The following PTPRD variants were observed in gnomAD, a reference collection of about 807,000 sequenced individuals.
The protein encoded by PTPRD is protein tyrosine phosphatase receptor type D.
PTPRD carries 34 observed loss-of-function variants against 214.5 expected under a neutral mutation model. That is an observed-to-expected ratio of 0.16 (90% CI 0.12 to 0.21). The LOEUF (loss-of-function observed/expected upper bound fraction) is 0.21, where lower values mean the gene tolerates loss of function less well. PTPRD is among the 10% of genes least tolerant of loss of function. PTPRD has a pLI of 1.00. For missense variants in PTPRD, 2,545 were observed against 2,398.7 expected (o/e 1.06, Z -1.27); for synonymous variants, 1,128 against 845.7 (o/e 1.33, Z -5.79).
At chr9:9,344,789 A>T (rs1014414492) in intron 9 of PTPRD, among the ~76,000 whole-genome samples, 3 of 152,064 alleles carry the variant, frequency 2.0e-5, no homozygotes, top group East Asian at 1.9e-4. Context: ...TAATTTATTT[A>T]AAAAACTTCT....
At chr9:9,930,616 A>T (rs949948385) in intron 5 of PTPRD, among the ~76,000 whole-genome samples, 2 of 152,206 alleles carry the variant, frequency 1.3e-5, no homozygotes, top group Admixed American at 6.5e-5. Context: ...TGTAATTTTT[A>T]TTAAAAATGC....
chr9:9,742,641 A>T (rs957043089), intron 6 of PTPRD, among the ~76,000 whole-genome samples: 1 of 151,856 alleles, frequency 6.6e-6, no homozygotes, highest in Admixed American at 6.6e-5. Context: ...ATCAACCTTA[A>T]AAAAAAACCT....
intron 2 of PTPRD, among the ~76,000 whole-genome samples, chr9:10,481,755 A>C (rs566357134): frequency 1.3e-5 from 2 of 152,310 alleles, no homozygotes; most frequent in East Asian, 3.9e-4. Flanking sequence ...TTGGCTAAAA[A>C]TCTCAGAATA....
rs576476605 is a variant in PTPRD, at chr9:8,622,464, C to A, written c.352+10853G>T. Among the ~76,000 whole-genome samples the A allele has an allele frequency of 6.9e-4, 105 of 152,058 alleles. 1 individual carries two copies. Among genetic ancestry groups the A allele is most frequent in the Admixed American group, 4.7e-3 (72 of 15,248 alleles). ...GCTTGAAAAGGTGTAAGCTGAATTA[C>A]TGTGAGAGCACTTTTCTTCTAAAAA... On this transcript the variant is annotated intron_variant, in intron 14 of 45. Coordinates refer to ENST00000381196, the MANE Select transcript of PTPRD (RefSeq NM_002839.4).
At chr9:10,393,380 T>C (rs7028367) in intron 2 of PTPRD, among the ~76,000 whole-genome samples, 1 of 151,540 alleles carries the variant, frequency 6.6e-6, no homozygotes, top group East Asian at 2.0e-4. Flanking sequence ...ATGATCCATA[T>C]CATAATGAGA....
chr9:9,100,507 C>T (rs2099789788), intron 10 of PTPRD, among the ~76,000 whole-genome samples: 1 of 151,966 alleles, frequency 6.6e-6, no homozygotes, highest in Admixed American at 6.6e-5. Context: ...ATGACATGAC[C>T]CAGAAGACAA....
At chr9:8,527,521 T>C (rs898664269) in intron 15 of PTPRD, among the ~76,000 whole-genome samples, 168 bp from the exon 16 acceptor site, 3 of 152,174 alleles carry the variant, frequency 2.0e-5, no homozygotes, top group Non-Finnish European at 4.4e-5. Context: ...TCTACACAAT[T>C]CTGCTGACAA....
intron 4 of PTPRD, among the ~76,000 whole-genome samples, chr9:9,986,306 T>C (rs1235284435): frequency 6.6e-6 from 1 of 152,160 alleles, no homozygotes; most frequent in Non-Finnish European, 1.5e-5. Flanking sequence ...TGCATTGTAG[T>C]ATTAGTATAA....
At chr9:8,952,266 T>C (rs1353567142) in intron 11 of PTPRD, among the ~76,000 whole-genome samples, 1 of 151,976 alleles carries the variant, frequency 6.6e-6, no homozygotes, top group African/African-American at 2.4e-5. Context: ...AATTAATGTA[T>C]GTTCTTACAT....
chr9:9,382,141 T>C (rs767147529), intron 9 of PTPRD, among the ~76,000 whole-genome samples: 21 of 146,446 alleles, frequency 1.4e-4, no homozygotes, highest in African/African-American at 9.9e-5. Flanking sequence ...TTTTGTGCTA[T>C]TGTAAATGGG....
At chr9:10,449,609 G>A (rs1409948773) in intron 2 of PTPRD, among the ~76,000 whole-genome samples, 9 of 150,794 alleles carry the variant, frequency 6.0e-5, no homozygotes, top group Admixed American at 1.3e-4. Flanking sequence ...CTGCCCAGCC[G>A]CCCATCGTCT....
chr9:10,414,954 G>A (rs973944555), intron 2 of PTPRD, among the ~76,000 whole-genome samples: 1 of 151,480 alleles, frequency 6.6e-6, no homozygotes, highest in Non-Finnish European at 1.5e-5. Flanking sequence ...AAGAAAGAGA[G>A]GAGCAGAAAT....
At chr9:9,489,572 A>G (rs796215195) in intron 8 of PTPRD, among the ~76,000 whole-genome samples, 6 of 152,262 alleles carry the variant, frequency 3.9e-5, no homozygotes, top group African/African-American at 1.4e-4. Context: ...TAGAAAACCT[A>G]AAACGAAACC....
chr9:9,891,984 G>A (rs1435153827), intron 5 of PTPRD, among the ~76,000 whole-genome samples: 1 of 151,978 alleles, frequency 6.6e-6, no homozygotes, highest in East Asian at 1.9e-4. Flanking sequence ...AAACAGAAAT[G>A]GCCCTGTTTT....
intron 11 of PTPRD, among the ~76,000 whole-genome samples, chr9:8,876,105 C>T (rs1026202832): frequency 6.6e-6 from 1 of 152,108 alleles, no homozygotes; most frequent in African/African-American, 2.4e-5. Context: ...AGTAAATGAG[C>T]ATATAATTAA....
intron 10 of PTPRD, among the ~76,000 whole-genome samples, chr9:9,107,606 G>A (rs929229838): frequency 1.3e-5 from 2 of 152,130 alleles, no homozygotes; most frequent in African/African-American, 4.8e-5. Context: ...TGAAATAAAA[G>A]GGAGGAAGTA....
intron 9 of PTPRD, among the ~76,000 whole-genome samples, chr9:9,263,061 G>C (rs1190672290): frequency 1.3e-5 from 2 of 151,488 alleles, no homozygotes; most frequent in Non-Finnish European, 3.0e-5. Context: ...CTAATCCTCA[G>C]GGTAAAAAAA....
intron 3 of PTPRD, among the ~76,000 whole-genome samples, chr9:10,047,015 T>G (rs1441830336): frequency 1.3e-5 from 2 of 151,894 alleles, no homozygotes; most frequent in African/African-American, 4.8e-5. Context: ...CCAAGGACAT[T>G]TTGTTCCCAT....
At position 10,612,962 on chromosome 9, in the gene PTPRD, C is replaced by T. The variant is rs2081374112; in HGVS notation, c.-982G>A. 6.6e-6 allele frequency among the ~76,000 whole-genome samples: 1 copy of T among 151,314 alleles called. No homozygotes were observed. Among genetic ancestry groups the T allele is most frequent in the Non-Finnish European group, 1.5e-5 (1 of 67,780 alleles). On this transcript the variant is annotated 5_prime_UTR_variant, in exon 1 of 46. Coordinates refer to ENST00000381196, the MANE Select transcript of PTPRD (RefSeq NM_002839.4). ...CGAGGCGGCCGCTCCCGCACTCGCT[C>T]GCTCGCTCGCTGGCGCTCCCTCCTC... is the stretch of plus-strand genomic sequence containing the variant.
Sources: gnomAD v4.1 joint callset for allele counts (sites outside exome capture counted in the v4.1 genomes callset) on GRCh38, gnomAD v4.1.1 for gene constraint, MANE v1.5 for transcripts, NCBI Gene and HGNC (gene_info 2026-07-23, HGNC 2026-07-21) for gene names.